The following CIDEC variants were observed in gnomAD, a reference collection of about 807,000 sequenced individuals.
CIDEC encodes the protein lipid transferase CIDEC.
CIDEC carries 11 observed loss-of-function variants against 21.9 expected under a neutral mutation model. The observed-to-expected ratio is 0.50, with a 90% CI of 0.32 to 0.83. CIDEC has a LOEUF of 0.83. Ranked by LOEUF, CIDEC falls within the 40% of genes least tolerant of loss-of-function variation. The pLI, the probability that CIDEC is intolerant of heterozygous loss-of-function variation, is 0.04. For missense variants in CIDEC, 302 were observed against 302.3 expected (o/e 1.00, Z 0.01); for synonymous variants, 127 against 124.9 (o/e 1.02, Z -0.11).
intron 4 of CIDEC, among the ~76,000 whole-genome samples, chr3:9,876,077 T>C (rs529211670): frequency 1.3e-5 from 2 of 152,326 alleles, no homozygotes; most frequent in South Asian, 2.1e-4. Flanking sequence ...CTATGATTGA[T>C]TTCTGTATGT....
In CIDEC at chr3:9,877,237, T is replaced by C; in HGVS notation, c.54-18A>G. ...ACACATGCCTGGGGCAGTTGAAGCA[T>C]CAGGGTGAGCCACCCACTTTGCCCA... On this transcript the variant is annotated intron_variant, in intron 3 of 6. Transcript: ENST00000336832. 6.5e-7 allele frequency: 1 copy of C among 1,549,678 alleles called. No individual in the cohort carries two copies. Among genetic ancestry groups the C allele is most frequent in the Non-Finnish European group, 8.7e-7 (1 of 1,146,932 alleles).
chr3:9,879,092 A>C, intron 1 of CIDEC, 38 bp from the exon 2 acceptor site: 1 of 472,464 alleles, frequency 2.1e-6, no homozygotes, highest in East Asian at 3.6e-5. Flanking sequence ...ATACTCTCCA[A>C]TACCATTGCT....
At chr3:9,874,407 T>C (rs2082391618) in intron 4 of CIDEC, among the ~76,000 whole-genome samples, 1 of 151,430 alleles carries the variant, frequency 6.6e-6, no homozygotes, top group Non-Finnish European at 1.5e-5. Context: ...TCCTAGCGAG[T>C]CGGGAGGCTG....
intron 1 of CIDEC, among the ~76,000 whole-genome samples, chr3:9,879,809 C>G (rs2082480017): frequency 6.6e-6 from 1 of 152,178 alleles, no homozygotes; most frequent in South Asian, 2.1e-4. Context: ...TCTTCCTAGC[C>G]AAGGGTGCCT....
chr3:9,875,157 C>T (rs1271966360), intron 4 of CIDEC, among the ~76,000 whole-genome samples: 3 of 152,046 alleles, frequency 2.0e-5, no homozygotes, highest in South Asian at 2.1e-4. Context: ...AGGCAGATCA[C>T]GAGGTCAGGA....
At chr3:9,880,070 TA>T (rs71626943) in intron 1 of CIDEC, among the ~76,000 whole-genome samples, 153 bp downstream of exon 1, 19,295 of 152,038 alleles carry the variant, frequency 0.13, 2,137 homozygotes, top group East Asian at 0.62. Context: ...GCTCTAGTCC[TA>T]GCTACGTGGG....
chr3:9,879,787 C>T (rs371925617), intron 1 of CIDEC, among the ~76,000 whole-genome samples: 1 of 152,160 alleles, frequency 6.6e-6, no homozygotes, highest in Admixed American at 6.5e-5. Flanking sequence ...AATTATTACA[C>T]CTTCATCCTG....
chr3:9,870,284 G>A lies in CIDEC; in HGVS notation c.246C>T (p.Phe82=), dbSNP rs747080295. 5.0e-6 allele frequency: 8 copies of A among 1,613,950 alleles called. No homozygotes were observed. The highest frequency in any genetic ancestry group is 6.8e-6 in the Non-Finnish European group (8 of 1,180,022). The stretch of plus-strand genomic sequence containing the variant: ...TTGTGCCATCTTCCTCCAGCACCAG[G>A]AAGAAGGGCTTGTCTGCCAGCATCA... The part of the protein sequence containing the change: ...DTLMLADKPF[F]LVLEEDGTTV... Residue 82 remains phenylalanine (F), a synonymous_variant, in exon 5 of 7, where the codon TTC becomes TTT. Coordinates refer to ENST00000336832, the MANE Select transcript of CIDEC (RefSeq NM_001321142.2).
rs767897695 is a variant in CIDEC at position 9,869,989 on chromosome 3, C to T, written c.447G>A (p.Lys149=). ...AGCCAATGAAGTCCTGTGGGTTCAG[C>T]TTGTACAGATCAAACGTTACACGGG... ...DVARVTFDLY[K]LNPQDFIGCL... is the part of the protein sequence containing the mutation. Residue 149 remains lysine (K), a synonymous_variant, in exon 6 of 7, where the codon AAG becomes AAA. Coordinates refer to ENST00000336832, the MANE Select transcript of CIDEC (RefSeq NM_001321142.2). 61 of 1,614,098 alleles carry T rather than the reference C, an allele frequency of 3.8e-5. No individual in the cohort carries two copies. Among genetic ancestry groups the T allele is most frequent in the Non-Finnish European group, 5.1e-5 (60 of 1,180,046 alleles).
intron 3 of CIDEC, among the ~76,000 whole-genome samples, chr3:9,877,669 T>A (rs11917731): frequency 0.031 from 4,647 of 151,876 alleles, 177 homozygotes; most frequent in South Asian, 0.081. Context: ...TAAAAAAAAA[T>A]AATAAAATAA....
intron 4 of CIDEC, among the ~76,000 whole-genome samples, chr3:9,872,258 CA>C (rs2125045840): frequency 6.6e-6 from 1 of 151,824 alleles, no homozygotes; most frequent in East Asian, 1.9e-4. Flanking sequence ...ACTGCAGTGT[CA>C]CCCTCCTAGG....
intron 3 of CIDEC, 108 bp from the exon 4 acceptor site, chr3:9,877,327 AC>A (rs200782341): frequency 3.9e-6 from 4 of 1,023,548 alleles, no homozygotes; most frequent in Non-Finnish European, 5.9e-6. Context: ...TGATCAGTCA[AC>A]CCCCCATCAC....
At chr3:9,879,629 A>AC (rs1424789225) in intron 1 of CIDEC, among the ~76,000 whole-genome samples, 13 of 152,004 alleles carry the variant, frequency 8.6e-5, no homozygotes, top group African/African-American at 2.9e-4. Flanking sequence ...CTGTGCTCCA[A>AC]CTCTTGAAGG....
rs375015077 is a variant in CIDEC, at chr3:9,878,118, C to T, written c.53+316G>A. On this transcript the variant is annotated intron_variant, in intron 3 of 6. Coordinates refer to ENST00000336832, the MANE Select transcript of CIDEC (RefSeq NM_001321142.2). ...AGCACCCACTATGTGCCTCAGTTCT[C>T]TCACCTATTAATTTGGTATAATAAC... The T allele has an allele frequency of 2.4e-3, 823 of 339,576 alleles. 14 individuals carry two copies. The South Asian group carries it at 0.026, about 11-fold the overall frequency. 21.0% of individuals were successfully genotyped at this position (339,576 alleles called of 1,614,324 possible).
intron 4 of CIDEC, chr3:9,870,597 C>T (rs778099818): frequency 3.2e-5 from 28 of 871,426 alleles, no homozygotes; most frequent in South Asian, 4.8e-5. Flanking sequence ...TTAGTATATT[C>T]GCAAAGTTGT....
In CIDEC at chr3:9,878,322, A is replaced by G. The variant is rs553018745; in HGVS notation, c.53+112T>C. ...CCCACTCCAGACCTCCTGAATCAGA[A>G]TCTGCACTTGAACAAGGTCCCCTGT... On this transcript the variant is annotated intron_variant, in intron 3 of 6. Coordinates refer to ENST00000336832, the MANE Select transcript of CIDEC (RefSeq NM_001321142.2). 63 of 847,610 alleles carry G rather than the reference A, an allele frequency of 7.4e-5. No individual in the cohort carries two copies. The Admixed American group carries it at 9.7e-4, about 13-fold the overall frequency. The allele number at this position is 847,610 out of a possible 1,614,324, so 52.5% of individuals were successfully genotyped here.
rs925724848 is a variant in CIDEC at position 9,878,169 on chromosome 3, G to T, written c.53+265C>A. On this transcript the variant is annotated intron_variant, in intron 3 of 6. Coordinates refer to ENST00000336832, the MANE Select transcript of CIDEC (RefSeq NM_001321142.2). ...CCCCACTTCCCAAAGTTGTTGTGAG[G>T]CTTACATGAGATCAGGAGTAAAAGC... The T allele has an allele frequency of 6.4e-6, 3 of 468,934 alleles. No individual in the cohort carries two copies. The East Asian group carries it at 1.1e-4, about 18-fold the overall frequency. 29.0% of individuals were successfully genotyped at this position (468,934 alleles called of 1,614,324 possible).
chr3:9,867,227 G>A lies in CIDEC; in HGVS notation c.624C>T (p.Tyr208=). 1.2e-6 allele frequency: 2 copies of A among 1,614,184 alleles called. No individual in the cohort carries two copies. Among genetic ancestry groups the A allele is most frequent in the Non-Finnish European group, 1.7e-6 (2 of 1,180,040 alleles). ...TGHVLLGTSC[Y]LQQLLDATEE... is the part of the protein sequence containing the mutation. ...CCGTAGCATCGAGGAGCTGCTGCAG[G>A]TAACAGGAGGTGCCAAGCAGTACGT... The change falls in exon 7 of 7, where the codon TAC becomes TAT. Residue 208 remains tyrosine, a synonymous_variant. Transcript: ENST00000336832.
chr3:9,870,114 C>G (rs1198042662), intron 5 of CIDEC, 45 bp from the exon 6 acceptor site: 2 of 1,613,980 alleles, frequency 1.2e-6, no homozygotes, highest in African/African-American at 2.7e-5. Context: ...GAAGACATCT[C>G]CCAGAGTCCC....
Sources: gnomAD v4.1 joint callset for allele counts (sites outside exome capture counted in the v4.1 genomes callset) on GRCh38, gnomAD v4.1.1 for gene constraint, MANE v1.5 for transcripts, NCBI Gene and HGNC (gene_info 2026-07-23, HGNC 2026-07-21) for gene names.